Variants in SH3RF3 observed in about 807,000 individuals in gnomAD.
The protein encoded by SH3RF3 is SH3 domain containing ring finger 3.
SH3RF3 carries 29 observed loss-of-function variants against 66.3 expected under a neutral mutation model. The observed-to-expected ratio is 0.44, with a 90% confidence interval of 0.33 to 0.60. The LOEUF is 0.60. Ranked by LOEUF, SH3RF3 falls within the 20% of genes least tolerant of loss-of-function variation. The probability of loss-of-function intolerance (pLI) is 0.04; values close to 1 mark genes in which losing one functional copy is unlikely to be tolerated. For synonymous variants in SH3RF3, 583 were observed against 532.0 expected (o/e 1.10, Z -1.32); for missense variants, 1,194 against 1,190.9 (o/e 1.00, Z -0.04).
At chr2:109,245,229 C>G (rs1679887611) in intron 1 of SH3RF3, among the ~76,000 whole-genome samples, 1 of 152,150 alleles carries the variant, frequency 6.6e-6, no homozygotes, top group Non-Finnish European at 1.5e-5. Context: ...CTAGGGTCAT[C>G]TTACTGGCTG....
At chr2:109,327,932 A>T (rs1353872379) in intron 1 of SH3RF3, among the ~76,000 whole-genome samples, 1 of 152,212 alleles carries the variant, frequency 6.6e-6, no homozygotes, top group Admixed American at 6.5e-5. Flanking sequence ...ATACACAATC[A>T]TGGAGGGTCT....
chr2:109,163,838 A>T (rs543937776), intron 1 of SH3RF3, among the ~76,000 whole-genome samples: 19 of 152,330 alleles, frequency 1.2e-4, no homozygotes, highest in African/African-American at 4.1e-4. Flanking sequence ...TGTGTTTTCC[A>T]TGATCTCTCT....
intron 1 of SH3RF3, among the ~76,000 whole-genome samples, chr2:109,169,514 G>C (rs1330116831): frequency 5.3e-5 from 8 of 152,022 alleles, no homozygotes; most frequent in Non-Finnish European, 7.4e-5. Context: ...GTGCTCTCTT[G>C]GTCATGGGTC....
chr2:109,185,875 A>G (rs1386531047), intron 1 of SH3RF3, among the ~76,000 whole-genome samples: 1 of 152,204 alleles, frequency 6.6e-6, no homozygotes, highest in African/African-American at 2.4e-5. Context: ...TGCCTGTCAA[A>G]GGGGCCAAGT....
intron 1 of SH3RF3, among the ~76,000 whole-genome samples, chr2:109,182,561 G>C (rs1342460314): frequency 2.0e-5 from 3 of 152,180 alleles, no homozygotes; most frequent in African/African-American, 7.2e-5. Flanking sequence ...AAAGCACATG[G>C]AACTTGCACA....
intron 1 of SH3RF3, among the ~76,000 whole-genome samples, chr2:109,149,651 C>G (rs1384424601): frequency 6.6e-6 from 1 of 152,190 alleles, no homozygotes; most frequent in Non-Finnish European, 1.5e-5. Context: ...ACCCACATGT[C>G]CTTTGGCTCT....
At chr2:109,165,628 T>C (rs1329031142) in intron 1 of SH3RF3, among the ~76,000 whole-genome samples, 1 of 152,190 alleles carries the variant, frequency 6.6e-6, no homozygotes. Context: ...CTTAGAGCAC[T>C]GTGCTGCACT....
At chr2:109,143,638 T>C (rs568190868) in intron 1 of SH3RF3, among the ~76,000 whole-genome samples, 3 of 152,076 alleles carry the variant, frequency 2.0e-5, no homozygotes, top group East Asian at 3.9e-4. Flanking sequence ...CCTGTAGTCC[T>C]AGATACATAA....
At chr2:109,148,949 A>C (rs1260780071) in intron 1 of SH3RF3, among the ~76,000 whole-genome samples, 2 of 152,206 alleles carry the variant, frequency 1.3e-5, no homozygotes, top group Admixed American at 6.5e-5. Context: ...TTTGTGGAGC[A>C]GACAGAGCCC....
At chr2:109,266,156 GTT>G (rs563717467) in intron 1 of SH3RF3, among the ~76,000 whole-genome samples, 4 of 150,926 alleles carry the variant, frequency 2.7e-5, no homozygotes, top group Non-Finnish European at 5.9e-5. Flanking sequence ...TGCTGTGTGT[GTT>G]GTGTATGGTG....
At chr2:109,138,149 G>C (rs1043277642) in intron 1 of SH3RF3, among the ~76,000 whole-genome samples, 1 of 152,208 alleles carries the variant, frequency 6.6e-6, no homozygotes, top group Non-Finnish European at 1.5e-5. Context: ...CCAAGTGGCT[G>C]GGACTATAGG....
At chr2:109,434,180 G>A (rs1157251487) in intron 6 of SH3RF3, among the ~76,000 whole-genome samples, 1 of 152,196 alleles carries the variant, frequency 6.6e-6, no homozygotes, top group Non-Finnish European at 1.5e-5. Flanking sequence ...TGACCAGCTG[G>A]CACCCTCCAG....
At chr2:109,410,404 C>G (rs536662244) in intron 4 of SH3RF3, among the ~76,000 whole-genome samples, 1 of 152,324 alleles carries the variant, frequency 6.6e-6, no homozygotes, top group South Asian at 2.1e-4. Context: ...GCCCTGACCT[C>G]GGTGCGGAGG....
chr2:109,251,788 G>A (rs530741555), intron 1 of SH3RF3: 1 of 515,062 alleles, frequency 1.9e-6, no homozygotes, highest in African/African-American at 1.9e-5. Context: ...AAAAGAATTA[G>A]ATAATACTAA....
intron 1 of SH3RF3, among the ~76,000 whole-genome samples, chr2:109,258,010 A>T (rs1680261303): frequency 6.6e-6 from 1 of 151,986 alleles, no homozygotes; most frequent in African/African-American, 2.4e-5. Context: ...ACACATACCC[A>T]CATACCTGTG....
chr2:109,181,053 T>G (rs1678061601), intron 1 of SH3RF3, among the ~76,000 whole-genome samples: 1 of 152,194 alleles, frequency 6.6e-6, no homozygotes, highest in African/African-American at 2.4e-5. Flanking sequence ...CAGCCCGCTG[T>G]GCACACACAG....
intron 1 of SH3RF3, among the ~76,000 whole-genome samples, chr2:109,308,302 C>A (rs1015601959): frequency 8.3e-6 from 1 of 120,930 alleles, no homozygotes; most frequent in Non-Finnish European, 1.6e-5. Flanking sequence ...TGTTTGAGTT[C>A]ATTGTAGATT....
chr2:109,296,692 T>C lies in SH3RF3; in HGVS notation c.574-50982T>C, dbSNP rs149463280. 3.8e-3 allele frequency among the ~76,000 whole-genome samples: 585 copies of C among 152,208 alleles called. 5 individuals are homozygous for C. The highest frequency in any genetic ancestry group is 0.013 in the African/African-American group (548 of 41,540). ...CTCCTGTGGGTGGAGGCAGGTGTCA[T>C]GGGCAGCAGAGATTCTGCAGAGTCC... On this transcript the variant is annotated intron_variant, in intron 1 of 9. Transcript: ENST00000309415.
chr2:109,460,229 T>A (rs1010000617), intron 8 of SH3RF3, among the ~76,000 whole-genome samples: 2 of 152,190 alleles, frequency 1.3e-5, no homozygotes, highest in Admixed American at 1.3e-4. Flanking sequence ...GCAGAAGCAT[T>A]GTGTGTAGGG....
Sources: gnomAD v4.1 joint callset for allele counts (sites outside exome capture counted in the v4.1 genomes callset) on GRCh38, gnomAD v4.1.1 for gene constraint, MANE v1.5 for transcripts, NCBI Gene and HGNC (gene_info 2026-07-23, HGNC 2026-07-21) for gene names.